Variants in PCDHGB7 observed in about 807,000 individuals in gnomAD.
The protein encoded by PCDHGB7 is protocadherin gamma subfamily B, 7.
Under a neutral mutation model 61.4 loss-of-function variants are expected in PCDHGB7, and 37 were observed. The observed-to-expected ratio is 0.60, with a 90% CI of 0.46 to 0.79. The LOEUF (loss-of-function observed/expected upper bound fraction) is 0.79. Among genes scored for constraint, PCDHGB7 ranks in the 30% least tolerant of loss-of-function variants. The probability of loss-of-function intolerance (pLI) is 0.00; values close to 1 mark genes in which losing one functional copy is unlikely to be tolerated. For missense variants in PCDHGB7, 1,166 were observed against 1,202.5 expected (o/e 0.97, Z 0.45); for synonymous variants, 464 against 503.5 (o/e 0.92, Z 1.05).
chr5:141,461,830 CT>C (rs1030113508), intron 1 of PCDHGB7, among the ~76,000 whole-genome samples: 30 of 145,198 alleles, frequency 2.1e-4, no homozygotes, highest in Non-Finnish European at 2.4e-4. Flanking sequence ...ATTTTTTTTT[CT>C]TTTTTTTTTG....
At chr5:141,447,837 G>A (rs952923627) in intron 1 of PCDHGB7, among the ~76,000 whole-genome samples, 10 of 152,170 alleles carry the variant, frequency 6.6e-5, no homozygotes, top group African/African-American at 2.4e-4. Flanking sequence ...TGTAATCCCA[G>A]TGCTTTGGGA....
chr5:141,477,212 C>CCTCT lies in PCDHGB7; in HGVS notation c.2416-17594_2416-17591dup. 6.2e-7 allele frequency: 1 copy of CCTCT among 1,614,166 alleles called. No homozygotes were observed. The highest frequency in any genetic ancestry group is 8.5e-7 in the Non-Finnish European group (1 of 1,180,042). The stretch of plus-strand genomic sequence containing the variant: ...GTACAGCCCAGTACCCGAGGATGCC[C>CCTCT]CTCTGGGGACTGTCATCGCTTTGCT... On this transcript the variant is annotated intron_variant, in intron 1 of 3. Coordinates refer to ENST00000398594, the MANE Select transcript of PCDHGB7 (RefSeq NM_018927.4). This position sits in a 1 kb window ranked among gnomAD's most constrained non-coding sequence, Gnocchi z 4.9.
At position 141,486,996 on chromosome 5, in the gene PCDHGB7, A is replaced by G; in HGVS notation, c.2416-7811A>G. ...TCAGGTTACAATGCTTGGGTTTCCT[A>G]TCAGCTCCTGGAGGCCCCAGATCCC... On this transcript the variant is annotated intron_variant, in intron 1 of 3. Coordinates refer to ENST00000398594, the MANE Select transcript of PCDHGB7 (RefSeq NM_018927.4). This position sits in a 1 kb window ranked among gnomAD's most constrained non-coding sequence, Gnocchi z 5.0. 6.2e-7 allele frequency: 1 copy of G among 1,614,152 alleles called. No individual in the cohort carries two copies. Among genetic ancestry groups the G allele is most frequent in the Non-Finnish European group, 8.5e-7 (1 of 1,180,032 alleles).
Position 141,419,350 on chromosome 5 carries a change from G to A in PCDHGB7, c.1491G>A (p.Glu497=). Residue 497 remains glutamate, a synonymous_variant, in exon 1 of 4, where the codon GAG becomes GAA. Transcript: ENST00000398594. ...ACTCTCTCATTGCCAGCGACCTGGAGTCACGAACGCTGTCGTCCTACGTGT... is the reference window on the plus strand; with the variant it reads ...ACTCTCTCATTGCCAGCGACCTGGAATCACGAACGCTGTCGTCCTACGTGT... ...VSYSLIASDL[E]SRTLSSYVSV... is the part of the protein sequence containing the mutation. 6.2e-7 allele frequency: 1 copy of A among 1,613,848 alleles called. No homozygotes were observed. The highest frequency in any genetic ancestry group is 8.5e-7 in the Non-Finnish European group (1 of 1,179,906).
At position 141,419,869 on chromosome 5, in the gene PCDHGB7, G is replaced by A; in HGVS notation, c.2010G>A (p.Glu670=). The change falls in exon 1 of 4, where the codon GAG becomes GAA. Residue 670 remains glutamate (E), a synonymous_variant. Transcript: ENST00000398594. ...LHLVFADSLQ[E]VLPDFSDHPT... ...TGGTGTTCGCAGATAGCTTGCAAGAGGTACTGCCGGATTTCAGCGACCATC... is the reference window on the plus strand; with the variant it reads ...TGGTGTTCGCAGATAGCTTGCAAGAAGTACTGCCGGATTTCAGCGACCATC... 1.9e-6 allele frequency: 3 copies of A among 1,614,072 alleles called. No individual in the cohort carries two copies. The highest frequency in any genetic ancestry group is 1.1e-5 in the South Asian group (1 of 91,090).
intron 2 of PCDHGB7, 117 bp downstream of exon 2, chr5:141,494,982 G>T: frequency 1.3e-6 from 2 of 1,563,940 alleles, no homozygotes; most frequent in Non-Finnish European, 1.7e-6. Flanking sequence ...CTCAGTTTGA[G>T]ATCCCAGGGA....
intron 1 of PCDHGB7, among the ~76,000 whole-genome samples, chr5:141,445,531 C>A (rs1476079791): frequency 6.6e-6 from 1 of 152,136 alleles, no homozygotes; most frequent in Non-Finnish European, 1.5e-5. Flanking sequence ...TGATAAAAGC[C>A]AACAAGGAGA....
chr5:141,508,935 A>T (rs180987868), intron 3 of PCDHGB7, among the ~76,000 whole-genome samples: 2 of 152,118 alleles, frequency 1.3e-5, no homozygotes, highest in Non-Finnish European at 2.9e-5. Context: ...GGAGTTAATT[A>T]GGGAAAACAG....
At chr5:141,500,436 C>G (rs1318326111) in intron 2 of PCDHGB7, among the ~76,000 whole-genome samples, 2 of 151,836 alleles carry the variant, frequency 1.3e-5, no homozygotes, top group African/African-American at 2.4e-5. Flanking sequence ...GTCTCGATCT[C>G]CTGACCTCGT....
rs780241180 is a variant in PCDHGB7, at chr5:141,490,819, C to A, written c.2416-3988C>A. On this transcript the variant is annotated intron_variant, in intron 1 of 3. Transcript: ENST00000398594. The surrounding 1 kb of genome is among the most constrained non-coding windows in gnomAD (Gnocchi z 5.4). ...CCAGCGTACCTTTGACTATGAATTGCTGCAGATGCTGCAGATTGTGGTGGG... is the reference window on the plus strand; with the variant it reads ...CCAGCGTACCTTTGACTATGAATTGATGCAGATGCTGCAGATTGTGGTGGG... 3 of 1,613,842 alleles carry A rather than the reference C, an allele frequency of 1.9e-6. No individual in the cohort carries two copies. The highest frequency in any genetic ancestry group is 2.5e-6 in the Non-Finnish European group (3 of 1,179,804).
At chr5:141,509,143 C>T (rs1022878562) in intron 3 of PCDHGB7, among the ~76,000 whole-genome samples, 9 of 152,138 alleles carry the variant, frequency 5.9e-5, no homozygotes, top group Non-Finnish European at 1.0e-4. Flanking sequence ...AGGCGCATCC[C>T]GGCTCTCCCC....
chr5:141,477,890 C>A lies in PCDHGB7; in HGVS notation c.2416-16917C>A, dbSNP rs202114426. On this transcript the variant is annotated intron_variant, in intron 1 of 3. Transcript: ENST00000398594. This position sits in a 1 kb window ranked among gnomAD's most constrained non-coding sequence, Gnocchi z 4.9. ...TACCTCAGCTGGCCACCTAGTGTCA[C>A]GGGTGGTAGGCTGGGACGCGGATGC... is the stretch of plus-strand genomic sequence containing the variant. 3.1e-6 allele frequency: 5 copies of A among 1,614,204 alleles called. 1 individual carries two copies. In the Admixed American group the frequency reaches 8.3e-5, roughly 27 times the overall value.
chr5:141,481,401 CT>C (rs2099537157), intron 1 of PCDHGB7, among the ~76,000 whole-genome samples: 1 of 152,204 alleles, frequency 6.6e-6, no homozygotes, highest in African/African-American at 2.4e-5. Flanking sequence ...TGACAAAATT[CT>C]TGTATAATTA....
intron 1 of PCDHGB7, among the ~76,000 whole-genome samples, chr5:141,435,308 A>G (rs2097757210): frequency 6.6e-6 from 1 of 152,186 alleles, no homozygotes; most frequent in African/African-American, 2.4e-5. Flanking sequence ...GTTTTAAATC[A>G]TTCATGAACT....
chr5:141,430,967 G>A lies in PCDHGB7; in HGVS notation c.2415+10693G>A, dbSNP rs746992307. 5 of 1,613,256 alleles carry A rather than the reference G, an allele frequency of 3.1e-6. No individual in the cohort carries two copies. In the East Asian group the frequency reaches 6.7e-5, roughly 22 times the overall value. On this transcript the variant is annotated intron_variant, in intron 1 of 3. Coordinates refer to ENST00000398594, the MANE Select transcript of PCDHGB7 (RefSeq NM_018927.4). ...GCGCGGAGTCCGCATCATCCCCAGA[G>A]GTAGGACGCAGCTTTTCGCCCTGAA... is the stretch of plus-strand genomic sequence containing the variant.
intron 1 of PCDHGB7, among the ~76,000 whole-genome samples, chr5:141,488,087 G>A (rs1479773288): frequency 6.6e-6 from 1 of 152,198 alleles, no homozygotes; most frequent in East Asian, 1.9e-4. Flanking sequence ...CTAGTACACT[G>A]TGAAGGGACC....
intron 1 of PCDHGB7, chr5:141,423,068 A>T: frequency 6.2e-7 from 1 of 1,614,090 alleles, no homozygotes; most frequent in Non-Finnish European, 8.5e-7. Context: ...AAGGCCAGCG[A>T]GCCGGGACTC....
At position 141,487,010 on chromosome 5, in the gene PCDHGB7, GC is replaced by G. The variant is rs2099638172; in HGVS notation, c.2416-7793del. ...TTGGGTTTCCTATCAGCTCCTGGAG[GC>G]CCCAGATCCCAGCCTGTTTGCAGTC... is the stretch of plus-strand genomic sequence containing the variant. On this transcript the variant is annotated intron_variant, in intron 1 of 3. Coordinates refer to ENST00000398594, the MANE Select transcript of PCDHGB7 (RefSeq NM_018927.4). This position sits in a 1 kb window ranked among gnomAD's most constrained non-coding sequence, Gnocchi z 5.0. 6.2e-7 allele frequency: 1 copy of G among 1,614,096 alleles called. No individual in the cohort carries two copies. Among genetic ancestry groups the G allele is most frequent in the Non-Finnish European group, 8.5e-7 (1 of 1,180,056 alleles).
At position 141,422,501 on chromosome 5, in the gene PCDHGB7, C is replaced by T. The variant is rs1343881573; in HGVS notation, c.2415+2227C>T. On this transcript the variant is annotated intron_variant, in intron 1 of 3. Coordinates refer to ENST00000398594, the MANE Select transcript of PCDHGB7 (RefSeq NM_018927.4). ...CAGAGCTACAATATAACGTTGACAGCCACAGACCAGGGAAGCCCGCCTTTG... is the reference window on the plus strand; with the variant it reads ...CAGAGCTACAATATAACGTTGACAGTCACAGACCAGGGAAGCCCGCCTTTG... 9.3e-6 allele frequency: 15 copies of T among 1,613,810 alleles called. No individual in the cohort carries two copies. The highest frequency in any genetic ancestry group is 1.3e-5 in the Non-Finnish European group (15 of 1,179,872).
Sources: allele counts gnomAD v4.1 joint callset (sites outside exome capture counted in the v4.1 genomes callset), GRCh38; gene constraint gnomAD v4.1.1; non-coding constraint Gnocchi (gnomAD v3.1); transcripts MANE v1.5; gene names NCBI Gene and HGNC (gene_info 2026-07-23, HGNC 2026-07-21).